Variants in TMEM117 observed in about 807,000 individuals in gnomAD.
The protein encoded by TMEM117 is transmembrane protein 117.
In TMEM117, 27 loss-of-function variants were observed where a neutral mutation model predicts 52.4. That is an observed-to-expected ratio of 0.51 (90% CI 0.38 to 0.71). TMEM117 has a LOEUF of 0.71. Ranked by LOEUF, TMEM117 falls within the 30% of genes least tolerant of loss-of-function variation. The pLI is 0.00. For missense variants in TMEM117, 556 were observed against 630.5 expected, an observed-to-expected ratio of 0.88 and a Z score of 1.26; for synonymous variants, 215 against 206.3, an observed-to-expected ratio of 1.04 and a Z score of -0.36.
chr12:43,894,127 G>A (rs1944156865), intron 2 of TMEM117, among the ~76,000 whole-genome samples: 1 of 152,194 alleles, frequency 6.6e-6, no homozygotes, highest in Non-Finnish European at 1.5e-5. Context: ...ATTCAAGAGT[G>A]GAAAGAAAGT....
At chr12:44,176,081 C>G (rs113725763) in intron 4 of TMEM117, among the ~76,000 whole-genome samples, 3 of 152,164 alleles carry the variant, frequency 2.0e-5, no homozygotes, top group African/African-American at 7.2e-5. Flanking sequence ...ATTTGTTTGT[C>G]TGATTTTTAA....
intron 3 of TMEM117, among the ~76,000 whole-genome samples, chr12:44,079,509 T>G (rs2138008159): frequency 6.6e-6 from 1 of 152,340 alleles, no homozygotes; most frequent in East Asian, 1.9e-4. Context: ...CATAAATGTC[T>G]TCTTTTGAGA....
At chr12:44,295,986 G>C (rs1339739270) in intron 5 of TMEM117, among the ~76,000 whole-genome samples, 1 of 152,168 alleles carries the variant, frequency 6.6e-6, no homozygotes, top group Non-Finnish European at 1.5e-5. Context: ...GGCAGATATT[G>C]ACCTTCTCCT....
intron 3 of TMEM117, among the ~76,000 whole-genome samples, chr12:44,094,382 C>G (rs1947722828): frequency 6.6e-6 from 1 of 152,018 alleles, no homozygotes; most frequent in Non-Finnish European, 1.5e-5. Context: ...AGGTTAAAGT[C>G]TAGCCCCTTG....
At chr12:44,286,088 T>A (rs1252507193) in intron 5 of TMEM117, among the ~76,000 whole-genome samples, 2 of 152,144 alleles carry the variant, frequency 1.3e-5, no homozygotes, top group Non-Finnish European at 2.9e-5. Flanking sequence ...ATTCACAGAT[T>A]TTTATTTTTC....
chr12:43,979,526 A>G (rs138620401), intron 3 of TMEM117, among the ~76,000 whole-genome samples: 1,589 of 152,216 alleles, frequency 0.01, 23 homozygotes, highest in East Asian at 0.035. Flanking sequence ...TGTAAATGCA[A>G]ATTTTTCTCT....
At chr12:44,329,809 G>A (rs1238665134) in intron 6 of TMEM117, among the ~76,000 whole-genome samples, 2 of 151,962 alleles carry the variant, frequency 1.3e-5, no homozygotes, top group Non-Finnish European at 2.9e-5. Flanking sequence ...ATGTCTTTAA[G>A]GTTTATCTCT....
intron 3 of TMEM117, among the ~76,000 whole-genome samples, chr12:44,002,708 C>T (rs1327986491): frequency 2.6e-5 from 4 of 152,186 alleles, no homozygotes; most frequent in Non-Finnish European, 5.9e-5. Flanking sequence ...TCATGATTAT[C>T]GATCCTTGAG....
At chr12:43,954,949 G>A (rs1415997849) in intron 3 of TMEM117, among the ~76,000 whole-genome samples, 1 of 152,210 alleles carries the variant, frequency 6.6e-6, no homozygotes, top group East Asian at 1.9e-4. Context: ...GATCAAGTTG[G>A]CTTCGTCCCC....
At chr12:44,178,511 G>C (rs1949146786) in intron 4 of TMEM117, among the ~76,000 whole-genome samples, 1 of 152,046 alleles carries the variant, frequency 6.6e-6, no homozygotes, top group East Asian at 1.9e-4. Flanking sequence ...CCAGTTCATT[G>C]ATTGATATGT....
chr12:43,909,865 G>A (rs1447844319), intron 2 of TMEM117, among the ~76,000 whole-genome samples: 1 of 130,336 alleles, frequency 7.7e-6, no homozygotes, highest in African/African-American at 2.6e-5. Context: ...GCTTACCAAC[G>A]AAAAAGAGTC....
intron 7 of TMEM117, among the ~76,000 whole-genome samples, chr12:44,382,440 TTC>T (rs1284763234): frequency 6.6e-6 from 1 of 152,244 alleles, no homozygotes; most frequent in East Asian, 1.9e-4. Context: ...ATGCTAAAAC[TTC>T]TCTTTTCGTA....
At chr12:44,105,720 G>A (rs566687938) in intron 3 of TMEM117, among the ~76,000 whole-genome samples, 4 of 152,132 alleles carry the variant, frequency 2.6e-5, no homozygotes, top group East Asian at 1.9e-4. Flanking sequence ...GATGGGTGGA[G>A]GGGTCTAGAG....
chr12:43,837,653 C>T (rs1471988466), intron 1 of TMEM117, among the ~76,000 whole-genome samples: 2 of 152,146 alleles, frequency 1.3e-5, no homozygotes, highest in Non-Finnish European at 2.9e-5. Context: ...CTGGCAATTC[C>T]TTATTGCAAA....
At chr12:44,171,859 T>C (rs990936725) in intron 4 of TMEM117, among the ~76,000 whole-genome samples, 9 of 151,918 alleles carry the variant, frequency 5.9e-5, no homozygotes, top group Non-Finnish European at 1.3e-4. Context: ...GAGAGAAGTA[T>C]GAGAAGGAGC....
chr12:44,179,367 C>G (rs923438388), intron 4 of TMEM117, among the ~76,000 whole-genome samples: 1 of 152,180 alleles, frequency 6.6e-6, no homozygotes, highest in Non-Finnish European at 1.5e-5. Flanking sequence ...CCAAAAGCCT[C>G]AAAACCAGGG....
At chr12:43,797,127 T>C in the TMEM117 span, 27 of 1,558,132 alleles carry the variant, frequency 1.7e-5, no homozygotes, top group Non-Finnish European at 2.4e-5. Context: ...CAAATATAAT[T>C]AGCATATCAA....
At position 44,389,056 on chromosome 12, in the gene TMEM117, C is replaced by CAAT; in HGVS notation, c.*384_*385insAAT. 7.2e-6 allele frequency: 1 copy of CAAT among 139,688 alleles called. No individual in the cohort carries two copies. The highest frequency in any genetic ancestry group is 1.6e-5 in the Non-Finnish European group (1 of 63,108). The allele number at this position is 139,688 out of a possible 1,614,324, so 8.7% of individuals were successfully genotyped here. On this transcript the variant is annotated 3_prime_UTR_variant, in exon 8 of 8. Transcript: ENST00000266534. ...AGTTACCTAACCTATTTCACATGGG[C>CAAT]GTTTTGTATACAACTATTTTGATCT...
intron 3 of TMEM117, among the ~76,000 whole-genome samples, chr12:44,126,751 G>T (rs1291004920): frequency 6.6e-6 from 1 of 152,214 alleles, no homozygotes; most frequent in South Asian, 2.1e-4. Context: ...TTCTCAAGAG[G>T]ATTTTAAAAT....
Sources: gnomAD v4.1 joint callset for allele counts (sites outside exome capture counted in the v4.1 genomes callset) on GRCh38, gnomAD v4.1.1 for gene constraint, MANE v1.5 for transcripts, NCBI Gene and HGNC (gene_info 2026-07-23, HGNC 2026-07-21) for gene names.